ENTPD6: variants seen among roughly 807,000 people sequenced by gnomAD.
ENTPD6 encodes ectonucleoside triphosphate diphosphohydrolase 6, also known as CD39 antigen-like 2.
Under a neutral mutation model 61.5 loss-of-function variants are expected in ENTPD6, and 46 were observed. The ratio of observed to expected loss-of-function variants is 0.75; its 90% CI spans 0.59 to 0.96. The LOEUF is 0.96. ENTPD6 is among the 40% of genes least tolerant of loss of function. ENTPD6 has a pLI of 0.00. For missense variants in ENTPD6, 612 were observed against 629.0 expected, an observed-to-expected ratio of 0.97 and a Z score of 0.29; for synonymous variants, 252 against 255.5, an observed-to-expected ratio of 0.99 and a Z score of 0.13.
intron 1 of ENTPD6, among the ~76,000 whole-genome samples, chr20:25,203,872 A>G (rs2091248320): frequency 6.6e-6 from 1 of 152,148 alleles, no homozygotes; most frequent in South Asian, 2.1e-4. Context: ...GTCTTTGAAG[A>G]CTAACTCTGT....
chr20:25,213,427 G>A, intron 5 of ENTPD6, 21 bp downstream of exon 5: 1 of 1,587,706 alleles, frequency 6.3e-7, no homozygotes, highest in Non-Finnish European at 8.6e-7. Flanking sequence ...CCATTCCCCA[G>A]TGCCATTAGC....
At chr20:25,196,334 A>C in intron 1 of ENTPD6, 58 of 697,412 alleles carry the variant, frequency 8.3e-5, no homozygotes, top group Non-Finnish European at 9.9e-5. Context: ...CGAGGAGCTC[A>C]TAGGTGGTCA....
At chr20:25,220,279 C>T (rs901224910) in intron 10 of ENTPD6, among the ~76,000 whole-genome samples, 9 of 152,222 alleles carry the variant, frequency 5.9e-5, no homozygotes, top group African/African-American at 2.2e-4. Flanking sequence ...CCGCTGGGGT[C>T]CTGGGGATCT....
chr20:25,207,104 G>A lies in ENTPD6; in HGVS notation c.83G>A (p.Arg28Lys). 1.2e-6 allele frequency: 2 copies of A among 1,612,960 alleles called. No individual in the cohort carries two copies. The highest frequency in any genetic ancestry group is 8.5e-7 in the Non-Finnish European group (1 of 1,179,136). ...CCGCAGCACGGTCCTTGGCAAACAA[G>A]GATGAGAAAAATATCCAACCACGGG... ...QQPQHGPWQTRMRKISNHGSL... is the reference protein window; with the variant it reads ...QQPQHGPWQTKMRKISNHGSL... The change falls in exon 3 of 15, where the codon AGG becomes AAG. Residue 28 changes from arginine to lysine, a missense_variant. Transcript: ENST00000376652.
At chr20:25,219,024 G>C (rs2092502676) in intron 10 of ENTPD6, among the ~76,000 whole-genome samples, 1 of 152,236 alleles carries the variant, frequency 6.6e-6, no homozygotes. Context: ...TGGGACTACA[G>C]ATGTGTACCA....
intron 1 of ENTPD6, among the ~76,000 whole-genome samples, chr20:25,198,127 C>T (rs1306247276): frequency 3.3e-5 from 5 of 152,006 alleles, no homozygotes; most frequent in Admixed American, 3.3e-4. Context: ...TAATATACCA[C>T]CTGTGAATCT....
chr20:25,204,451 AT>A (rs1246114247), intron 1 of ENTPD6, among the ~76,000 whole-genome samples: 1 of 149,180 alleles, frequency 6.7e-6, no homozygotes, highest in Non-Finnish European at 1.5e-5. Flanking sequence ...TGTTGGCTCC[AT>A]TAAACTTTTA....
chr20:25,219,501 A>G (rs147832839), intron 10 of ENTPD6, among the ~76,000 whole-genome samples: 28 of 152,366 alleles, frequency 1.8e-4, no homozygotes, highest in African/African-American at 6.3e-4. Context: ...CATCAGGGCC[A>G]GGGCCTCTGC....
intron 14 of ENTPD6, 53 bp from the exon 15 acceptor site, chr20:25,225,446 A>C (rs2092772640): frequency 6.3e-7 from 1 of 1,590,598 alleles, no homozygotes; most frequent in African/African-American, 1.3e-5. Context: ...CTCCTGATGC[A>C]CAAGGCTTTC....
At chr20:25,200,873 T>C (rs1026359930) in intron 1 of ENTPD6, among the ~76,000 whole-genome samples, 2 of 152,210 alleles carry the variant, frequency 1.3e-5, no homozygotes, top group African/African-American at 4.8e-5. Flanking sequence ...TTTAGTTTGT[T>C]CTTTTACTAG....
rs370052316 is a variant in ENTPD6, at chr20:25,216,728, C to T, written c.790C>T (p.Arg264Cys). ...ATCCACTCAGATCGCCTTCCTGCCA[C>T]GCGTGGAGGTAACAAGCCCTGCCGA... ...GGSTQIAFLP[R>C]VEGTLQASPP... is the part of the protein sequence containing the mutation. The change falls in exon 8 of 15, where the codon CGC becomes TGC. Residue 264 changes from arginine to cysteine, a missense_variant. Physicochemically the swap from Arg to Cys is radical, Grantham distance 180. Coordinates refer to ENST00000376652, the MANE Select transcript of ENTPD6 (RefSeq NM_001247.5). The T allele has an allele frequency of 5.4e-5, 86 of 1,594,834 alleles. No homozygotes were observed. The highest frequency in any genetic ancestry group is 1.7e-4 in the Middle Eastern group (1 of 6,038).
intron 10 of ENTPD6, among the ~76,000 whole-genome samples, chr20:25,220,033 G>T (rs73904024): frequency 0.01 from 1,565 of 152,288 alleles, 21 homozygotes; most frequent in African/African-American, 0.033. Context: ...TCGTGGCTCA[G>T]ACCCTGAGTC....
intron 1 of ENTPD6, among the ~76,000 whole-genome samples, chr20:25,196,722 G>A (rs913278600): frequency 2.6e-5 from 4 of 152,334 alleles, no homozygotes; most frequent in African/African-American, 9.6e-5. Context: ...TTCCTTGGGA[G>A]AGGTGGATTA....
At chr20:25,223,930 C>A in intron 12 of ENTPD6, 171 bp from the exon 13 acceptor site, 1 of 534,416 alleles carries the variant, frequency 1.9e-6, no homozygotes, top group South Asian at 2.6e-5. Flanking sequence ...CCACATCACC[C>A]AGAAGCCGTC....
chr20:25,198,556 T>A (rs2090731203), intron 1 of ENTPD6, among the ~76,000 whole-genome samples: 1 of 152,192 alleles, frequency 6.6e-6, no homozygotes, highest in East Asian at 1.9e-4. Context: ...TTACTATTGC[T>A]TTTTGTCCTC....
rs1437072833 is a variant in ENTPD6 at position 25,217,638 on chromosome 20, G to C, written c.878+57G>C. The C allele has an allele frequency of 4.7e-6, 7 of 1,475,058 alleles. No individual in the cohort carries two copies. In the East Asian group the frequency reaches 1.4e-4, roughly 29 times the overall value. The allele number at this position is 1,475,058 out of a possible 1,614,324, so 91.4% of individuals were successfully genotyped here. The stretch of plus-strand genomic sequence containing the variant: ...CCATGGGGTGGGTATGCAGCTCCCA[G>C]GGCCTCGCATGGCCCTCTTGAGGTC... On this transcript the variant is annotated intron_variant, in intron 9 of 14. Coordinates refer to ENST00000376652, the MANE Select transcript of ENTPD6 (RefSeq NM_001247.5).
At chr20:25,210,083 T>C (rs1225333113) in intron 4 of ENTPD6, among the ~76,000 whole-genome samples, 158 bp downstream of exon 4, 1 of 152,218 alleles carries the variant, frequency 6.6e-6, no homozygotes, top group African/African-American at 2.4e-5. Flanking sequence ...AGAGAGAAGG[T>C]GTGCAGCGCG....
rs575415618 is a variant in ENTPD6 at position 25,223,890 on chromosome 20, G to C, written c.1187-211G>C. Reference sequence around the variant, plus strand: ...ACACTGCAGGGTTGGGTTGTGGGGTGACCCTCTCAGCCCCCAAACCCACCC... The same window carrying C: ...ACACTGCAGGGTTGGGTTGTGGGGTCACCCTCTCAGCCCCCAAACCCACCC... On this transcript the variant is annotated intron_variant, in intron 12 of 14. Coordinates refer to ENST00000376652, the MANE Select transcript of ENTPD6 (RefSeq NM_001247.5). 8 of 431,106 alleles carry C rather than the reference G, an allele frequency of 1.9e-5. No individual in the cohort carries two copies. In the Admixed American group the frequency reaches 3.4e-4, roughly 18 times the overall value. 26.7% of individuals were successfully genotyped at this position (431,106 alleles called of 1,614,324 possible).
chr20:25,221,354 T>G lies in ENTPD6; in HGVS notation c.1045+21T>G, dbSNP rs545495736. 298 of 1,588,090 alleles carry G rather than the reference T, an allele frequency of 1.9e-4. No individual in the cohort carries two copies. Among genetic ancestry groups the G allele is most frequent in the Middle Eastern group, 6.6e-4 (4 of 6,026 alleles). On this transcript the variant is annotated intron_variant, in intron 11 of 14. Transcript: ENST00000376652. ...AGCAGGTACGGGGAGGGTTGCTGCC[T>G]GTTGGTTTCTGCGGGTGAGAGTGGT...
Sources: allele counts gnomAD v4.1 joint callset (sites outside exome capture counted in the v4.1 genomes callset), GRCh38; gene constraint gnomAD v4.1.1; transcripts MANE v1.5; gene names NCBI Gene and HGNC (gene_info 2026-07-23, HGNC 2026-07-21).